The following PTPN13 variants were observed in gnomAD, a reference collection of about 807,000 sequenced individuals.
The protein encoded by PTPN13 is tyrosine-protein phosphatase non-receptor type 13.
PTPN13 carries 191 observed loss-of-function variants against 284.0 expected under a neutral mutation model. That is an observed-to-expected ratio of 0.67 (90% CI 0.60 to 0.76). The LOEUF (loss-of-function observed/expected upper bound fraction) is 0.76. PTPN13 is among the 30% of genes least tolerant of loss of function. The pLI is 0.00. For missense variants in PTPN13, 2,797 were observed against 2,939.9 expected (o/e 0.95, Z 1.12); for synonymous variants, 986 against 1,022.3 (o/e 0.96, Z 0.68).
In PTPN13 at chr4:86,732,342, C is replaced by T. The variant is rs985353669; in HGVS notation, c.1609-58C>T. The stretch of plus-strand genomic sequence containing the variant: ...ATTATTCTTACATTATTTTTCCTTT[C>T]AAGGAAAAAACTAGAATAAATAGTA... On this transcript the variant is annotated intron_variant, in intron 10 of 47. Coordinates refer to ENST00000411767, the MANE Select transcript of PTPN13 (RefSeq NM_080683.3). The T allele has an allele frequency of 2.3e-6, 3 of 1,319,656 alleles. No homozygotes were observed. In the Admixed American group the frequency reaches 7.5e-5, roughly 33 times the overall value. The allele number at this position is 1,319,656 out of a possible 1,614,324, so 81.7% of individuals were successfully genotyped here.
rs561904328 is a variant in PTPN13, at chr4:86,749,568, T to G, written c.2651-902T>G. On this transcript the variant is annotated intron_variant, in intron 17 of 47. Coordinates refer to ENST00000411767, the MANE Select transcript of PTPN13 (RefSeq NM_080683.3). Reference sequence around the variant, plus strand: ...ATTTACATATGCTGCATTGCTTTTGTTATTAGCCTCAAATATTAAAATATC... The same window carrying G: ...ATTTACATATGCTGCATTGCTTTTGGTATTAGCCTCAAATATTAAAATATC... Among the ~76,000 whole-genome samples, 38 of 152,350 alleles carry G rather than the reference T, an allele frequency of 2.5e-4. No individual in the cohort carries two copies. In the East Asian group the frequency reaches 5.4e-3, roughly 22 times the overall value.
intron 1 of PTPN13, among the ~76,000 whole-genome samples, chr4:86,601,090 A>G (rs1349404172): frequency 6.6e-6 from 1 of 152,140 alleles, no homozygotes; most frequent in African/African-American, 2.4e-5. Context: ...AAAGCAATGT[A>G]TAACATATGT....
intron 31 of PTPN13, among the ~76,000 whole-genome samples, chr4:86,772,402 A>T (rs1245948667): frequency 6.6e-6 from 1 of 152,028 alleles, no homozygotes; most frequent in East Asian, 1.9e-4. Context: ...AAAAATACAA[A>T]AATTAGTTGG....
chr4:86,807,788 A>G lies in PTPN13; in HGVS notation c.6974A>G (p.Asn2325Ser), dbSNP rs747562156. The change falls in exon 45 of 48, where the codon AAC (asparagine) becomes AGC (serine). Residue 2325 changes from asparagine to serine, a missense_variant. By Grantham distance (46) the Asn-to-Ser change is conservative. Coordinates refer to ENST00000411767, the MANE Select transcript of PTPN13 (RefSeq NM_080683.3). ...EKIKCQRYWP[N>S]ILGKTTMVSN... Reference sequence around the variant, plus strand: ...ATCAAATGCCAGCGCTATTGGCCCAACATCCTAGGCAAAACAACAATGGTC... The same window carrying G: ...ATCAAATGCCAGCGCTATTGGCCCAGCATCCTAGGCAAAACAACAATGGTC... 5.0e-6 allele frequency: 8 copies of G among 1,613,942 alleles called. No individual in the cohort carries two copies. In the South Asian group the frequency reaches 5.5e-5, roughly 11 times the overall value.
chr4:86,658,746 A>C (rs1174532092), intron 2 of PTPN13, among the ~76,000 whole-genome samples: 1 of 152,174 alleles, frequency 6.6e-6, no homozygotes, highest in Non-Finnish European at 1.5e-5. Context: ...AATAGTTGAT[A>C]ATTTTTGAGA....
chr4:86,688,677 G>A (rs901950644), intron 4 of PTPN13, among the ~76,000 whole-genome samples: 20 of 152,114 alleles, frequency 1.3e-4, no homozygotes, highest in African/African-American at 4.3e-4. Flanking sequence ...TGGTGTGTAT[G>A]TTTGTGTGTG....
chr4:86,720,098 C>T (rs1183341473), intron 9 of PTPN13, among the ~76,000 whole-genome samples: 1 of 152,074 alleles, frequency 6.6e-6, no homozygotes, highest in Non-Finnish European at 1.5e-5. Flanking sequence ...CCACTTTAGC[C>T]AATTGAAAAC....
chr4:86,669,349 C>T (rs1727475839), intron 2 of PTPN13, among the ~76,000 whole-genome samples: 1 of 137,628 alleles, frequency 7.3e-6, no homozygotes, highest in African/African-American at 2.7e-5. Context: ...TTTAAATGTT[C>T]AATAAAAGCA....
In PTPN13 at chr4:86,814,454, A is replaced by C; in HGVS notation, c.7363-2A>C. 1 of 1,601,734 alleles carries C rather than the reference A, an allele frequency of 6.2e-7. No individual in the cohort carries two copies. The highest frequency in any genetic ancestry group is 1.1e-5 in the South Asian group (1 of 90,194). On this transcript the variant is annotated splice_acceptor_variant, in intron 47 of 47. Coordinates refer to ENST00000411767, the MANE Select transcript of PTPN13 (RefSeq NM_080683.3). LOFTEE classifies it high-confidence loss of function. ...ATTCTATCTCACTTTTTTTGGCCAT[A>C]GGATCAATATATTTTCTGCTATCAA...
Position 86,814,783 on chromosome 4 carries a change from C to T in PTPN13, c.*232C>T. On this transcript the variant is annotated 3_prime_UTR_variant, in exon 48 of 48. Transcript: ENST00000411767. ...AAATTTTAACACTAACCAAACAATG[C>T]AGATCTTAGGGATGATTAAAGGCAG... 1 of 425,506 alleles carries T rather than the reference C, an allele frequency of 2.4e-6. No homozygotes were observed. Among genetic ancestry groups the T allele is most frequent in the East Asian group, 3.8e-5 (1 of 26,028 alleles). The allele number at this position is 425,506 out of a possible 1,614,324, so 26.4% of individuals were successfully genotyped here. A position where few individuals can be genotyped will look rare whatever the true frequency, so the allele number is the denominator to read the frequency against.
chr4:86,685,088 A>G (rs751616346), intron 3 of PTPN13, among the ~76,000 whole-genome samples: 9 of 152,098 alleles, frequency 5.9e-5, no homozygotes, highest in Admixed American at 1.3e-4. Flanking sequence ...CTACTCAACA[A>G]TGTTCCTCTA....
intron 24 of PTPN13, among the ~76,000 whole-genome samples, chr4:86,763,674 G>A (rs1490126143): frequency 6.6e-6 from 1 of 152,174 alleles, no homozygotes; most frequent in Non-Finnish European, 1.5e-5. Context: ...TTGGGAAGCA[G>A]AGGTGGGAGG....
chr4:86,660,757 G>A (rs374288586), intron 2 of PTPN13, among the ~76,000 whole-genome samples: 4 of 152,042 alleles, frequency 2.6e-5, no homozygotes, highest in South Asian at 2.1e-4. Flanking sequence ...TATTTGATAA[G>A]TATATGACAC....
At chr4:86,613,993 G>T (rs998865721) in intron 1 of PTPN13, among the ~76,000 whole-genome samples, 3 of 152,158 alleles carry the variant, frequency 2.0e-5, no homozygotes, top group Non-Finnish European at 1.5e-5. Context: ...TATCTGTTAA[G>T]AGTTGTGTAT....
chr4:86,637,010 C>G (rs1723103108), intron 2 of PTPN13, among the ~76,000 whole-genome samples: 1 of 151,870 alleles, frequency 6.6e-6, no homozygotes, highest in South Asian at 2.1e-4. Flanking sequence ...ACCACCGATC[C>G]CACAGAAATA....
At chr4:86,755,100 T>C (rs1464546040) in intron 20 of PTPN13, among the ~76,000 whole-genome samples, 1 of 152,076 alleles carries the variant, frequency 6.6e-6, no homozygotes, top group Non-Finnish European at 1.5e-5. Flanking sequence ...TCAATGTTCT[T>C]CCTGCTGGTC....
intron 6 of PTPN13, among the ~76,000 whole-genome samples, chr4:86,694,579 C>CAAAAAAA (rs1000226646): frequency 3.1e-5 from 1 of 32,322 alleles, no homozygotes; most frequent in African/African-American, 1.2e-4. Context: ...ACTTCTGTCT[C>CAAAAAAA]AAAAAAAAAA....
rs889530781 is a variant in PTPN13 at position 86,674,110 on chromosome 4, C to T, written c.294+1567C>T. Among the ~76,000 whole-genome samples the T allele has an allele frequency of 5.9e-5, 9 of 152,102 alleles. 1 individual carries two copies. Among genetic ancestry groups the T allele is most frequent in the African/African-American group, 2.2e-4 (9 of 41,404 alleles). ...TTTAAAATAGAAGTATCCAGTATGA[C>T]TATAGTGATATAACTGACTTCAGAA... On this transcript the variant is annotated intron_variant, in intron 3 of 47. Coordinates refer to ENST00000411767, the MANE Select transcript of PTPN13 (RefSeq NM_080683.3).
intron 2 of PTPN13, among the ~76,000 whole-genome samples, chr4:86,638,798 A>C: frequency 6.6e-6 from 1 of 152,192 alleles, no homozygotes; most frequent in Admixed American, 6.5e-5. Flanking sequence ...AAACACCAAA[A>C]GCAATGGCAA....
Sources: allele counts gnomAD v4.1 joint callset (sites outside exome capture counted in the v4.1 genomes callset), GRCh38; gene constraint gnomAD v4.1.1; transcripts MANE v1.5; gene names NCBI Gene and HGNC (gene_info 2026-07-23, HGNC 2026-07-21).